PHLDB2: variants seen among roughly 807,000 people sequenced by gnomAD.
PHLDB2 encodes the protein pleckstrin homology like domain family B member 2.
PHLDB2 carries 71 observed loss-of-function variants against 123.6 expected under a neutral mutation model. The observed-to-expected ratio is 0.57, with a 90% CI of 0.47 to 0.70. PHLDB2 has a LOEUF of 0.70. PHLDB2 is among the 30% of genes least tolerant of loss of function. The probability of loss-of-function intolerance (pLI) is 0.00; values close to 1 mark genes in which losing one functional copy is unlikely to be tolerated. For missense variants in PHLDB2, 1,446 were observed against 1,519.5 expected, an observed-to-expected ratio of 0.95 and a Z score of 0.80; for synonymous variants, 547 against 541.6, an observed-to-expected ratio of 1.01 and a Z score of -0.14.
chr3:111,959,112 C>G (rs2071231293), intron 12 of PHLDB2, among the ~76,000 whole-genome samples: 2 of 152,386 alleles, frequency 1.3e-5, no homozygotes, highest in Non-Finnish European at 2.9e-5. Context: ...CCAGGTTACC[C>G]AGCCCCGTCC....
chr3:111,926,171 C>T (rs2068803737), intron 5 of PHLDB2, among the ~76,000 whole-genome samples: 1 of 152,256 alleles, frequency 6.6e-6, no homozygotes, highest in African/African-American at 2.4e-5. Context: ...CTGTGCCATA[C>T]AACATGTACC....
chr3:111,973,082 G>GTGCT, intron 16 of PHLDB2, among the ~76,000 whole-genome samples: 1 of 152,270 alleles, frequency 6.6e-6, no homozygotes, highest in South Asian at 2.1e-4. Context: ...CAAGAACTTA[G>GTGCT]TAGATCACAG....
intron 1 of PHLDB2, among the ~76,000 whole-genome samples, chr3:111,816,058 T>A (rs1343710659): frequency 6.6e-6 from 1 of 151,836 alleles, no homozygotes; most frequent in Non-Finnish European, 1.5e-5. Flanking sequence ...TGAACAGAAA[T>A]CAAGAATTGA....
chr3:111,845,657 A>G (rs1283049488), intron 1 of PHLDB2, among the ~76,000 whole-genome samples: 1 of 152,128 alleles, frequency 6.6e-6, no homozygotes, highest in Non-Finnish European at 1.5e-5. Flanking sequence ...ATAGCAGTGG[A>G]ATAACAGAGT....
chr3:111,926,867 C>G (rs1374257351), intron 5 of PHLDB2, among the ~76,000 whole-genome samples: 3 of 152,132 alleles, frequency 2.0e-5, no homozygotes, highest in Non-Finnish European at 4.4e-5. Context: ...TTAGAGGGTA[C>G]TGCTCCAAAT....
intron 1 of PHLDB2, among the ~76,000 whole-genome samples, chr3:111,773,959 G>A (rs1335731807): frequency 6.6e-6 from 1 of 152,156 alleles, no homozygotes; most frequent in African/African-American, 2.4e-5. Context: ...CCAGGAAAAA[G>A]CCAAACTGGC....
intron 1 of PHLDB2, among the ~76,000 whole-genome samples, chr3:111,796,886 G>A (rs1254894061): frequency 6.6e-6 from 1 of 152,210 alleles, no homozygotes; most frequent in Non-Finnish European, 1.5e-5. Flanking sequence ...ATAATAAAAT[G>A]TAAAATTCTT....
At chr3:111,893,246 T>G (rs570913982) in intron 2 of PHLDB2, among the ~76,000 whole-genome samples, 169 of 152,274 alleles carry the variant, frequency 1.1e-3, no homozygotes, top group African/African-American at 3.9e-3. Context: ...TTTTTTTTTT[T>G]TAGAAGAATG....
At chr3:111,760,780 T>C (rs1001938713) in intron 1 of PHLDB2, among the ~76,000 whole-genome samples, 2 of 152,138 alleles carry the variant, frequency 1.3e-5, no homozygotes, top group African/African-American at 4.8e-5. Flanking sequence ...AAGCAATAAT[T>C]TTCTCCATTT....
intron 2 of PHLDB2, among the ~76,000 whole-genome samples, chr3:111,898,024 TA>T (rs1312456045): frequency 1.3e-5 from 2 of 152,340 alleles, no homozygotes; most frequent in Non-Finnish European, 1.5e-5. Flanking sequence ...CTTTATTGCT[TA>T]AAAAAATACT....
At chr3:111,904,135 A>G (rs1282939) in intron 2 of PHLDB2, among the ~76,000 whole-genome samples, 107,801 of 151,740 alleles carry the variant, frequency 0.71, 38,678 homozygotes, top group East Asian at 0.95. Context: ...AAAATTAGTC[A>G]GGTGTGGTGG....
At position 111,929,910 on chromosome 3, in the gene PHLDB2, ATT is replaced by A. The variant is rs34482002; in HGVS notation, c.2002-2341_2002-2340del. Among the ~76,000 whole-genome samples the A allele has an allele frequency of 9.5e-3, 1,171 of 123,020 alleles. 8 individuals are homozygous for A. Among genetic ancestry groups the A allele is most frequent in the African/African-American group, 0.026 (910 of 34,842 alleles). The allele number at this position is 123,020 out of a possible 152,430, so 80.7% of individuals were successfully genotyped here. On this transcript the variant is annotated intron_variant, in intron 5 of 17. Transcript: ENST00000431670. Reference sequence around the variant, plus strand: ...AAGTAAGGCACTATTTAAATATAAGATTTTTTTTTTTTTTTTTTTGAGGCAGA... The same window carrying A: ...AAGTAAGGCACTATTTAAATATAAGATTTTTTTTTTTTTTTTTGAGGCAGA...
chr3:111,788,740 A>C (rs2060792611), intron 1 of PHLDB2, among the ~76,000 whole-genome samples: 1 of 152,134 alleles, frequency 6.6e-6, no homozygotes, highest in Non-Finnish European at 1.5e-5. Context: ...ACATTAGGAG[A>C]TTTGTTTTGC....
At chr3:111,905,497 C>T (rs1446086657) in intron 2 of PHLDB2, among the ~76,000 whole-genome samples, 1 of 152,104 alleles carries the variant, frequency 6.6e-6, no homozygotes, top group East Asian at 1.9e-4. Context: ...GCTGGGACTA[C>T]AGGTGCGTGC....
chr3:111,738,952 T>G (rs1257930743), intron 1 of PHLDB2, among the ~76,000 whole-genome samples: 1 of 152,132 alleles, frequency 6.6e-6, no homozygotes. Flanking sequence ...ATTCTGCTAC[T>G]ACACACACCA....
chr3:111,907,187 A>T lies in PHLDB2; in HGVS notation c.1336-6132A>T, dbSNP rs570692030. On this transcript the variant is annotated intron_variant, in intron 2 of 17. Transcript: ENST00000431670. The stretch of plus-strand genomic sequence containing the variant: ...AAGATTTTCCCCACATCTGACTCCA[A>T]CCGCAAGTTCTGGGGTTTCCTAGAC... Among the ~76,000 whole-genome samples, 4 of 152,326 alleles carry T rather than the reference A, an allele frequency of 2.6e-5. No individual in the cohort carries two copies. In the South Asian group the frequency reaches 8.3e-4, roughly 32 times the overall value.
At chr3:111,925,022 T>A (rs576684847) in intron 5 of PHLDB2, among the ~76,000 whole-genome samples, 1 of 151,942 alleles carries the variant, frequency 6.6e-6, no homozygotes, top group East Asian at 1.9e-4. Context: ...AGAGACGGAG[T>A]TTCGTCATGT....
At chr3:111,824,324 G>C (rs554193806) in intron 1 of PHLDB2, among the ~76,000 whole-genome samples, 1 of 152,178 alleles carries the variant, frequency 6.6e-6, no homozygotes, top group Non-Finnish European at 1.5e-5. Context: ...TGGAGTGGCT[G>C]TTAATGGTGG....
intron 9 of PHLDB2, among the ~76,000 whole-genome samples, chr3:111,946,219 G>A (rs35423545): frequency 0.13 from 19,713 of 151,952 alleles, 1,612 homozygotes; most frequent in Non-Finnish European, 0.18. Flanking sequence ...ACGGGGTTTC[G>A]CCATATTGGT....
Sources: allele counts gnomAD v4.1 joint callset (sites outside exome capture counted in the v4.1 genomes callset), GRCh38; gene constraint gnomAD v4.1.1; transcripts MANE v1.5; gene names NCBI Gene and HGNC (gene_info 2026-07-23, HGNC 2026-07-21).